Variants in NUP88 observed in about 807,000 individuals in gnomAD.
NUP88 encodes nucleoporin 88, also known as nuclear pore complex protein Nup88.
Under a neutral mutation model 93.9 loss-of-function variants are expected in NUP88, and 57 were observed. The ratio of observed to expected loss-of-function variants is 0.61; its 90% CI spans 0.49 to 0.76. The LOEUF (loss-of-function observed/expected upper bound fraction) is 0.76, where lower values mean the gene tolerates loss of function less well. Ranked by LOEUF, NUP88 falls within the 30% of genes least tolerant of loss-of-function variation. NUP88 has a pLI of 0.00. For synonymous variants in NUP88, 346 were observed against 336.8 expected (o/e 1.03, Z -0.30); for missense variants, 911 against 901.0 (o/e 1.01, Z -0.14).
chr17:5,405,006 G>C, intron 6 of NUP88, 51 bp downstream of exon 6: 1 of 1,496,136 alleles, frequency 6.7e-7, no homozygotes, highest in Non-Finnish European at 9.2e-7. Context: ...ATTGGGTCAG[G>C]AACTATGCCA....
rs1567562926 is a variant in NUP88, at chr17:5,386,842, A to T, written c.2044-16T>A. On this transcript the variant is annotated splice_polypyrimidine_tract_variant and intron_variant, in intron 15 of 16. Coordinates refer to ENST00000573584, the MANE Select transcript of NUP88 (RefSeq NM_002532.6). ...TCATAGTAACCTTAAGTATTAAAATAATAGATATTTTGGCAGTGGTTTGCC... is the reference window on the plus strand; with the variant it reads ...TCATAGTAACCTTAAGTATTAAAATTATAGATATTTTGGCAGTGGTTTGCC... 7 of 1,595,444 alleles carry T rather than the reference A, an allele frequency of 4.4e-6. No homozygotes were observed. The South Asian group carries it at 7.7e-5, about 18-fold the overall frequency.
chr17:5,408,980 A>G lies in NUP88; in HGVS notation c.681-71T>C, dbSNP rs924146236. On this transcript the variant is annotated intron_variant, in intron 4 of 16. Coordinates refer to ENST00000573584, the MANE Select transcript of NUP88 (RefSeq NM_002532.6). ...AAAAGTAAAAAGAAAAACAAAACAA[A>G]ACAAAAACACAAAATGTCTAATAAC... 24 of 1,356,606 alleles carry G rather than the reference A, an allele frequency of 1.8e-5. No homozygotes were observed. The African/African-American group carries it at 3.4e-4, about 19-fold the overall frequency. 84.0% of individuals were successfully genotyped at this position (1,356,606 alleles called of 1,614,324 possible).
intron 11 of NUP88, chr17:5,388,451 A>AT: frequency 1.3e-5 from 2 of 149,010 alleles, no homozygotes; most frequent in East Asian, 2.6e-4. Context: ...ACACCCAGCT[A>AT]ATTTTTTTTT....
chr17:5,410,162 G>A lies in NUP88; in HGVS notation c.680+541C>T, dbSNP rs147498259. Among the ~76,000 whole-genome samples, 887 of 152,234 alleles carry A rather than the reference G, an allele frequency of 5.8e-3. 6 individuals are homozygous for A. The highest frequency in any genetic ancestry group is 0.02 in the African/African-American group (834 of 41,542). ...AACTTTGGGTGCTGTATTGAAACAG[G>A]CTATAGCTATAGGAGATTACAAAGA... On this transcript the variant is annotated intron_variant, in intron 4 of 16. Coordinates refer to ENST00000573584, the MANE Select transcript of NUP88 (RefSeq NM_002532.6).
chr17:5,404,517 C>T (rs11869960), intron 6 of NUP88, among the ~76,000 whole-genome samples: 66,386 of 151,830 alleles, frequency 0.44, 15,267 homozygotes, highest in East Asian at 0.84. Context: ...GGGAGGCTGA[C>T]GCAAGAGAAT....
chr17:5,411,932 C>T (rs983733338), intron 3 of NUP88, among the ~76,000 whole-genome samples: 5 of 152,112 alleles, frequency 3.3e-5, no homozygotes, highest in East Asian at 1.9e-4. Flanking sequence ...TTCCTACAAG[C>T]GTTACTAACT....
rs745318663 is a variant in NUP88, at chr17:5,386,239, T to G, written c.2193A>C (p.Gln731His). The G allele has an allele frequency of 6.2e-7, 1 of 1,613,344 alleles. No homozygotes were observed. The highest frequency in any genetic ancestry group is 1.3e-5 in the African/African-American group (1 of 74,920). The change falls in exon 17 of 17, where the codon CAA becomes CAC. Residue 731 changes from glutamine (Q) to histidine (H), a missense_variant. Coordinates refer to ENST00000573584, the MANE Select transcript of NUP88 (RefSeq NM_002532.6). ...TTACATGATTGCGGATATCATTGATTTGCTTCACCATTTCCCTTATATGTT... is the reference window on the plus strand; with the variant it reads ...TTACATGATTGCGGATATCATTGATGTGCTTCACCATTTCCCTTATATGTT... ...EGEHIREMVKQINDIRNHVNF is the reference protein window; with the variant it reads ...EGEHIREMVKHINDIRNHVNF
At chr17:5,403,653 C>T (rs951032336) in intron 7 of NUP88, among the ~76,000 whole-genome samples, 1 of 136,682 alleles carries the variant, frequency 7.3e-6, no homozygotes, top group Non-Finnish European at 1.6e-5. Flanking sequence ...GAGCCAGACA[C>T]CATCTCAACA....
chr17:5,396,746 A>G (rs1912801504), intron 8 of NUP88, among the ~76,000 whole-genome samples: 1 of 152,212 alleles, frequency 6.6e-6, no homozygotes, highest in Non-Finnish European at 1.5e-5. Context: ...CATTTCTATA[A>G]GCACTGTATA....
chr17:5,393,936 G>T (rs1192938952), intron 9 of NUP88, among the ~76,000 whole-genome samples: 7 of 152,168 alleles, frequency 4.6e-5, no homozygotes, highest in African/African-American at 1.7e-4. Context: ...ATAAAGGGAG[G>T]TATCTAGAAT....
At chr17:5,408,660 A>G (rs1913639317) in intron 5 of NUP88, 73 bp downstream of exon 5, 9 of 1,155,470 alleles carry the variant, frequency 7.8e-6, no homozygotes, top group Admixed American at 2.5e-5. Flanking sequence ...ATGGCTCCCA[A>G]GTCCAGCCTC....
At chr17:5,415,097 G>T (rs1352394654) in intron 2 of NUP88, among the ~76,000 whole-genome samples, 1 of 151,480 alleles carries the variant, frequency 6.6e-6, no homozygotes, top group Non-Finnish European at 1.5e-5. Flanking sequence ...TTTGCTCACT[G>T]CAACCTCCGC....
At chr17:5,399,050 G>A (rs146181065) in intron 8 of NUP88, among the ~76,000 whole-genome samples, 134 of 151,010 alleles carry the variant, frequency 8.9e-4, no homozygotes, top group Non-Finnish European at 1.7e-3. Flanking sequence ...CACCACGCCC[G>A]GAGAATTTAT....
intron 8 of NUP88, among the ~76,000 whole-genome samples, chr17:5,398,787 C>A (rs1912950230): frequency 6.6e-6 from 1 of 151,954 alleles, no homozygotes; most frequent in South Asian, 2.1e-4. Flanking sequence ...CAGGGTTTCA[C>A]CATGTTGGTT....
chr17:5,410,931 C>A, intron 3 of NUP88, 142 bp from the exon 4 acceptor site: 1 of 631,358 alleles, frequency 1.6e-6, no homozygotes. Flanking sequence ...CTTGCTGTTG[C>A]AAAGTAGTCT....
At chr17:5,406,910 AT>A (rs1407555471) in intron 5 of NUP88, among the ~76,000 whole-genome samples, 1 of 152,138 alleles carries the variant, frequency 6.6e-6, no homozygotes. Flanking sequence ...CTTTCGAAAA[AT>A]TTAAATCACA....
Position 5,385,551 on chromosome 17 carries a change from C to G in NUP88, c.*655G>C, listed in dbSNP as rs548301964. ...TGAGGACAAAATCACATTCTGCATA[C>G]TAACCTATTTTTTTCTCCCTTTAAG... On this transcript the variant is annotated 3_prime_UTR_variant, in exon 17 of 17. Transcript: ENST00000573584. 4.3e-6 allele frequency: 1 copy of G among 230,958 alleles called. No homozygotes were observed. Among genetic ancestry groups the G allele is most frequent in the East Asian group, 6.2e-5 (1 of 16,224 alleles). The allele number at this position is 230,958 out of a possible 1,614,324, so 14.3% of individuals were successfully genotyped here. A position where few individuals can be genotyped will look rare whatever the true frequency, so the allele number is the denominator to read the frequency against.
chr17:5,406,406 G>A (rs1231622616), intron 5 of NUP88, among the ~76,000 whole-genome samples: 3 of 152,164 alleles, frequency 2.0e-5, no homozygotes, highest in Non-Finnish European at 4.4e-5. Context: ...AGACATCCAG[G>A]ACTGGCTTAT....
chr17:5,399,210 T>A (rs1006438397), intron 8 of NUP88, among the ~76,000 whole-genome samples: 9 of 127,468 alleles, frequency 7.1e-5, no homozygotes, highest in East Asian at 5.9e-4. Flanking sequence ...TTTTTTTTTT[T>A]AAAGCAAATT....
Sources: gnomAD v4.1 joint callset for allele counts (sites outside exome capture counted in the v4.1 genomes callset) on GRCh38, gnomAD v4.1.1 for gene constraint, MANE v1.5 for transcripts, NCBI Gene and HGNC (gene_info 2026-07-23, HGNC 2026-07-21) for gene names.